The following UXS1 variants were observed in gnomAD, a reference collection of about 807,000 sequenced individuals.
UXS1 encodes the protein UDP-glucuronate decarboxylase 1.
Under a neutral mutation model 62.6 loss-of-function variants are expected in UXS1, and 33 were observed. That is an observed-to-expected ratio of 0.53 (90% CI 0.40 to 0.70). UXS1 has a LOEUF of 0.70. Among genes scored for constraint, UXS1 ranks in the 30% least tolerant of loss-of-function variants. UXS1 has a pLI of 0.00. For missense variants in UXS1, 434 were observed against 556.3 expected, an observed-to-expected ratio of 0.78 and a Z score of 2.21; for synonymous variants, 213 against 206.8, an observed-to-expected ratio of 1.03 and a Z score of -0.26.
chr2:106,129,618 T>C lies in UXS1; in HGVS notation c.577+56A>G, dbSNP rs1680263839. Reference sequence around the variant, plus strand: ...TAGAAGATTCAATGACCTATGCTTGTAATCATCTAAAATATTCCCAGCAAC... The same window carrying C: ...TAGAAGATTCAATGACCTATGCTTGCAATCATCTAAAATATTCCCAGCAAC... On this transcript the variant is annotated intron_variant, in intron 7 of 14. Coordinates refer to ENST00000283148, the MANE Select transcript of UXS1 (RefSeq NM_001253875.2). 4 of 1,355,710 alleles carry C rather than the reference T, an allele frequency of 3.0e-6. No individual in the cohort carries two copies. The African/African-American group carries it at 5.7e-5, about 19-fold the overall frequency. The allele number at this position is 1,355,710 out of a possible 1,614,324, so 84.0% of individuals were successfully genotyped here.
intron 2 of UXS1, among the ~76,000 whole-genome samples, chr2:106,165,775 A>G (rs1198195155): frequency 6.6e-6 from 1 of 151,232 alleles, no homozygotes; most frequent in Non-Finnish European, 1.5e-5. Context: ...TACAATTTAC[A>G]TAAGCTAGGG....
rs1424760625 is a variant in UXS1 at position 106,129,783 on chromosome 2, A to G, written c.473-5T>C. On this transcript the variant is annotated splice_polypyrimidine_tract_variant and splice_region_variant and intron_variant, in intron 6 of 14. Coordinates refer to ENST00000283148, the MANE Select transcript of UXS1 (RefSeq NM_001253875.2). Reference sequence around the variant, plus strand: ...CCAGATGGTATATCTGGTCAACTAAAGGAGACAAAACAGAAGCCTATTACT... The same window carrying G: ...CCAGATGGTATATCTGGTCAACTAAGGGAGACAAAACAGAAGCCTATTACT... 1.3e-6 allele frequency: 2 copies of G among 1,590,836 alleles called. No homozygotes were observed. Among genetic ancestry groups the G allele is most frequent in the Non-Finnish European group, 1.7e-6 (2 of 1,166,102 alleles).
At chr2:106,171,244 A>T (rs1314323699) in intron 1 of UXS1, among the ~76,000 whole-genome samples, 2 of 152,214 alleles carry the variant, frequency 1.3e-5, no homozygotes, top group Non-Finnish European at 2.9e-5. Context: ...AAAGGATATG[A>T]TTAAAATGAG....
intron 1 of UXS1, 82 bp downstream of exon 1, chr2:106,194,066 G>GGCCCCGAACCACCGCC: frequency 8.3e-7 from 1 of 1,198,240 alleles, no homozygotes; most frequent in African/African-American, 1.6e-5. Context: ...GCCGCCTCGG[G>GGCCCCGAACCACCGCC]GCCCCGAACC....
chr2:106,140,482 C>T (rs1198454231), intron 6 of UXS1, among the ~76,000 whole-genome samples: 3 of 152,206 alleles, frequency 2.0e-5, no homozygotes, highest in Admixed American at 6.5e-5. Context: ...ACTCAATCCC[C>T]TTGGCAAACA....
intron 5 of UXS1, among the ~76,000 whole-genome samples, chr2:106,152,508 AGG>A (rs1682105956): frequency 2.0e-5 from 2 of 99,340 alleles, no homozygotes; most frequent in Non-Finnish European, 3.9e-5. Flanking sequence ...GGAGGGAGGG[AGG>A]GAGGGAGGGA....
chr2:106,181,132 C>G (rs991962039), intron 1 of UXS1, among the ~76,000 whole-genome samples: 1 of 152,184 alleles, frequency 6.6e-6, no homozygotes, highest in African/African-American at 2.4e-5. Flanking sequence ...ACAGGGTGGG[C>G]TGCGGAGAGG....
intron 12 of UXS1, chr2:106,100,662 C>T: frequency 5.6e-6 from 1 of 179,056 alleles, no homozygotes; most frequent in Non-Finnish European, 1.2e-5. Context: ...AAATGACAGA[C>T]ATCATCAGCA....
chr2:106,128,635 C>G (rs1201224762), intron 7 of UXS1, among the ~76,000 whole-genome samples: 1 of 151,944 alleles, frequency 6.6e-6, no homozygotes, highest in Admixed American at 6.6e-5. Context: ...TTTCTTGGTT[C>G]TCTTTCTTGC....
At chr2:106,146,856 A>T (rs967658725) in intron 5 of UXS1, among the ~76,000 whole-genome samples, 14 of 151,760 alleles carry the variant, frequency 9.2e-5, no homozygotes, top group Non-Finnish European at 1.5e-5. Flanking sequence ...GAGGCTATAA[A>T]CTAAAAATGA....
At chr2:106,111,675 C>G (rs1204887989) in intron 10 of UXS1, among the ~76,000 whole-genome samples, 1 of 152,188 alleles carries the variant, frequency 6.6e-6, no homozygotes, top group African/African-American at 2.4e-5. Context: ...ACCTGCAGAT[C>G]ATAGGACAGA....
At chr2:106,095,446 C>T (rs532868535) in intron 14 of UXS1, among the ~76,000 whole-genome samples, 1 of 152,246 alleles carries the variant, frequency 6.6e-6, no homozygotes, top group African/African-American at 2.4e-5. Flanking sequence ...CAGGCTGGAA[C>T]TCTCATGTCC....
At chr2:106,185,306 G>A (rs139233027) in intron 1 of UXS1, among the ~76,000 whole-genome samples, 6 of 152,308 alleles carry the variant, frequency 3.9e-5, no homozygotes, top group Non-Finnish European at 8.8e-5. Flanking sequence ...TAGGAACTAT[G>A]GTGGAAAATG....
At position 106,166,251 on chromosome 2, in the gene UXS1, A is replaced by G; in HGVS notation, c.95-168T>C. The G allele has an allele frequency of 6.0e-6, 4 of 670,680 alleles. 1 individual carries two copies. The highest frequency in any genetic ancestry group is 9.9e-6 in the Non-Finnish European group (4 of 405,102). 41.5% of individuals were successfully genotyped at this position (670,680 alleles called of 1,614,324 possible). A position where few individuals can be genotyped will look rare whatever the true frequency, so the allele number is the denominator to read the frequency against. ...TTTCAAAACAATTAAATCTTACTAC[A>G]AAATAAGTAAAAACAGGATCGTAGA... On this transcript the variant is annotated intron_variant, in intron 1 of 14. Transcript: ENST00000283148.
chr2:106,093,980 CCCATCAA>C lies in UXS1; in HGVS notation c.*39_*45del. 1 of 1,514,568 alleles carries C rather than the reference CCCATCAA, an allele frequency of 6.6e-7. No homozygotes were observed. The highest frequency in any genetic ancestry group is 8.8e-7 in the Non-Finnish European group (1 of 1,137,122). 93.8% of individuals were successfully genotyped at this position (1,514,568 alleles called of 1,614,324 possible). ...CAACAAAAAAAAGCCAAAAATACAT[CCCATCAA>C]GTGTACAATGGTAGTCTTGTGTCCT... On this transcript the variant is annotated 3_prime_UTR_variant, in exon 15 of 15. Coordinates refer to ENST00000283148, the MANE Select transcript of UXS1 (RefSeq NM_001253875.2).
At chr2:106,177,729 G>A (rs1471715447) in intron 1 of UXS1, among the ~76,000 whole-genome samples, 1 of 152,138 alleles carries the variant, frequency 6.6e-6, no homozygotes, top group South Asian at 2.1e-4. Context: ...AATCTGCTGG[G>A]GCCTTCATCT....
rs529428921 is a variant in UXS1, at chr2:106,161,556, G to C, written c.230+2111C>G. ...ATGAGGCCTGCATTCCTAAGCGAGA[G>C]AGAAACCAGCAAGCAGAGGCAGAAT... On this transcript the variant is annotated intron_variant, in intron 4 of 14. Coordinates refer to ENST00000283148, the MANE Select transcript of UXS1 (RefSeq NM_001253875.2). Among the ~76,000 whole-genome samples the C allele has an allele frequency of 3.8e-4, 58 of 152,288 alleles. 1 individual carries two copies. The South Asian group carries it at 0.011, about 30-fold the overall frequency.
chr2:106,113,050 A>G (rs1678750287), intron 9 of UXS1, among the ~76,000 whole-genome samples: 1 of 152,214 alleles, frequency 6.6e-6, no homozygotes, highest in African/African-American at 2.4e-5. Context: ...TACAAGGAGG[A>G]AAAACGTGTA....
intron 6 of UXS1, among the ~76,000 whole-genome samples, chr2:106,130,936 C>T (rs1680403032): frequency 6.6e-6 from 1 of 152,128 alleles, no homozygotes; most frequent in Non-Finnish European, 1.5e-5. Context: ...CTCCAGTCTA[C>T]AGCTCCCAGC....
Sources: allele counts gnomAD v4.1 joint callset (sites outside exome capture counted in the v4.1 genomes callset), GRCh38; gene constraint gnomAD v4.1.1; transcripts MANE v1.5; gene names NCBI Gene and HGNC (gene_info 2026-07-23, HGNC 2026-07-21).